Variants in COPG2 observed in about 807,000 individuals in gnomAD.
COPG2 encodes coatomer subunit gamma-2.
In COPG2, 37 loss-of-function variants were observed where a neutral mutation model predicts 46.3. The observed-to-expected ratio is 0.80, with a 90% CI of 0.61 to 1.05. The LOEUF is 1.05. Ranked by LOEUF, COPG2 falls within the 50% of genes least tolerant of loss-of-function variation. COPG2 has a pLI of 0.00. For missense variants in COPG2, 427 were observed against 387.8 expected (o/e 1.10, Z -0.85); for synonymous variants, 159 against 129.7 (o/e 1.23, Z -1.53).
At chr7:130,668,570 G>T in intron 1 of COPG2, 62 bp downstream of exon 1, 1 of 1,441,532 alleles carries the variant, frequency 6.9e-7, no homozygotes, top group South Asian at 1.3e-5. Flanking sequence ...AAAGCAGGTG[G>T]CGGCGGGCGG....
At chr7:130,561,427 G>T (rs1409285552) in intron 11 of COPG2, among the ~76,000 whole-genome samples, 1 of 152,114 alleles carries the variant, frequency 6.6e-6, no homozygotes, top group African/African-American at 2.4e-5. Flanking sequence ...ACTCTCTTTT[G>T]TTAGGTTCCT....
At chr7:130,602,453 C>T (rs1171413289) in intron 9 of COPG2, among the ~76,000 whole-genome samples, 2 of 152,018 alleles carry the variant, frequency 1.3e-5, no homozygotes, top group Non-Finnish European at 2.9e-5. Flanking sequence ...CATACTTTTA[C>T]TTCCATCTAA....
chr7:130,519,095 T>G (rs1039213691), intron 20 of COPG2, among the ~76,000 whole-genome samples: 1 of 150,628 alleles, frequency 6.6e-6, no homozygotes, highest in South Asian at 2.1e-4. Flanking sequence ...TAGATTTAGG[T>G]TGGGGTGCTG....
At chr7:130,575,997 C>T (rs1793993064) in intron 9 of COPG2, among the ~76,000 whole-genome samples, 1 of 152,272 alleles carries the variant, frequency 6.6e-6, no homozygotes, top group East Asian at 1.9e-4. Flanking sequence ...ATGGTAAAAG[C>T]CCTTGTCCAA....
chr7:130,591,647 A>AG (rs1554448977), intron 9 of COPG2, among the ~76,000 whole-genome samples: 1 of 142,236 alleles, frequency 7.0e-6, no homozygotes, highest in African/African-American at 2.6e-5. Flanking sequence ...CCGGTTGGTG[A>AG]GGGGCGCCTC....
intron 9 of COPG2, chr7:130,610,430 C>A (rs1794822200): frequency 1.2e-5 from 5 of 428,554 alleles, no homozygotes; most frequent in South Asian, 9.1e-5. Context: ...AGCCATAAGC[C>A]TTCAGGCTGG....
rs59544911 is a variant in COPG2, at chr7:130,645,068, CAAAAAAA to C, written c.323+7794_323+7800del. Among the ~76,000 whole-genome samples the C allele has an allele frequency of 3.9e-4, 44 of 113,466 alleles. No homozygotes were observed. In the East Asian group the frequency reaches 7.2e-3, roughly 19 times the overall value. 74.4% of individuals were successfully genotyped at this position (113,466 alleles called of 152,430 possible). A position where few individuals can be genotyped will look rare whatever the true frequency, so the allele number is the denominator to read the frequency against. Reference sequence around the variant, plus strand: ...CAAGAGCGAGACTTCATCCCAAAAACAAAAAAAAAAAAAAAAAGAAAAGAAATGCTTA... The same window carrying C: ...CAAGAGCGAGACTTCATCCCAAAAACAAAAAAAAAAGAAAAGAAATGCTTA... On this transcript the variant is annotated intron_variant, in intron 5 of 23. Coordinates refer to ENST00000425248, the MANE Select transcript of COPG2 (RefSeq NM_012133.6).
intron 5 of COPG2, 102 bp from the exon 6 acceptor site, chr7:130,617,167 C>T: frequency 1.7e-6 from 1 of 597,572 alleles, no homozygotes; most frequent in Non-Finnish European, 2.9e-6. Context: ...CTTAATGCAG[C>T]TACTAATTCA....
At chr7:130,652,722 T>C (rs1554459280) in intron 5 of COPG2, 147 bp downstream of exon 5, 4 of 637,220 alleles carry the variant, frequency 6.3e-6, no homozygotes, top group African/African-American at 3.8e-5. Context: ...TTTCACATGA[T>C]GAAAACTTCA....
rs1308994776 is a variant in COPG2, at chr7:130,523,119, C to CAAAAAA, written c.2150-14466_2150-14461dup. Among the ~76,000 whole-genome samples the CAAAAAA allele has an allele frequency of 9.6e-4, 55 of 57,536 alleles. 26 individuals carry two copies. Among genetic ancestry groups the CAAAAAA allele is most frequent in the East Asian group, 5.2e-3 (9 of 1,724 alleles). The allele number at this position is 57,536 out of a possible 152,430, so 37.7% of individuals were successfully genotyped here. ...GGGCGACAGAGTGAAACTCTTCTCT[C>CAAAAAA]AAAAAAAAAAAAAAAGAAGGCTCCA... On this transcript the variant is annotated intron_variant, in intron 20 of 23. Transcript: ENST00000425248.
At chr7:130,667,204 A>G (rs1371118573) in intron 2 of COPG2, among the ~76,000 whole-genome samples, 2 of 152,204 alleles carry the variant, frequency 1.3e-5, no homozygotes, top group East Asian at 3.8e-4. Context: ...ATACAATGAG[A>G]TTAATACAGA....
At chr7:130,608,031 C>T (rs1266872426) in intron 9 of COPG2, 1 of 339,788 alleles carries the variant, frequency 2.9e-6, no homozygotes, top group Admixed American at 4.1e-5. Context: ...GGCCAAGCTA[C>T]ACCATTATTG....
chr7:130,596,345 A>T (rs1794526063), intron 9 of COPG2, among the ~76,000 whole-genome samples: 1 of 152,226 alleles, frequency 6.6e-6, no homozygotes, highest in Non-Finnish European at 1.5e-5. Flanking sequence ...GACACAGCAA[A>T]ATAGGTCCGC....
intron 9 of COPG2, among the ~76,000 whole-genome samples, chr7:130,583,759 A>C (rs1365082908): frequency 7.2e-6 from 1 of 139,536 alleles, no homozygotes; most frequent in South Asian, 2.4e-4. Flanking sequence ...GTGAGCCAAG[A>C]TCGCGCCACT....
In COPG2 at chr7:130,534,703, G is replaced by GT. The variant is rs1333258312; in HGVS notation, c.2149+12970dup. Among the ~76,000 whole-genome samples the GT allele has an allele frequency of 1.1e-3, 172 of 152,278 alleles. 1 individual carries two copies. The highest frequency in any genetic ancestry group is 4.0e-3 in the African/African-American group (167 of 41,554). On this transcript the variant is annotated intron_variant, in intron 20 of 23. Transcript: ENST00000425248. ...GAACAGGACGGAGGCCAGAACCTGT[G>GT]TAAGAAGGTCTTAAATCCTAAACAC...
intron 20 of COPG2, among the ~76,000 whole-genome samples, chr7:130,541,932 T>C (rs1373352624): frequency 2.3e-5 from 3 of 128,016 alleles, no homozygotes; most frequent in African/African-American, 1.0e-4. Context: ...TGCTATGCAG[T>C]AGAGGAGGAA....
intron 9 of COPG2, among the ~76,000 whole-genome samples, chr7:130,602,312 G>C (rs1794651598): frequency 6.6e-6 from 1 of 151,740 alleles, no homozygotes; most frequent in Non-Finnish European, 1.5e-5. Context: ...TCGACATTTT[G>C]AAAGCTTTAC....
intron 20 of COPG2, among the ~76,000 whole-genome samples, chr7:130,537,082 GCA>G (rs1799887431): frequency 6.6e-6 from 1 of 152,094 alleles, no homozygotes; most frequent in South Asian, 2.1e-4. Flanking sequence ...GAGACTGGGT[GCA>G]TTCGTACCGG....
chr7:130,515,747 G>A (rs968203074), intron 20 of COPG2, among the ~76,000 whole-genome samples: 1 of 152,128 alleles, frequency 6.6e-6, no homozygotes, highest in Non-Finnish European at 1.5e-5. Context: ...CAAAAGGGAA[G>A]GGATAAATGA....
Sources: gnomAD v4.1 joint callset for allele counts (sites outside exome capture counted in the v4.1 genomes callset) on GRCh38, gnomAD v4.1.1 for gene constraint, MANE v1.5 for transcripts, NCBI Gene and HGNC (gene_info 2026-07-23, HGNC 2026-07-21) for gene names.